ARID5B: variants seen among roughly 807,000 people sequenced by gnomAD.
ARID5B encodes AT-rich interaction domain 5B, also known as AT-rich interactive domain-containing protein 5B.
In ARID5B, 13 loss-of-function variants were observed where a neutral mutation model predicts 97.2. That is an observed-to-expected ratio of 0.13 (90% CI 0.09 to 0.21). The LOEUF is 0.21. Ranked by LOEUF, ARID5B falls within the 10% of genes least tolerant of loss-of-function variation. ARID5B has a pLI of 1.00. For synonymous variants in ARID5B, 556 were observed against 570.3 expected (o/e 0.97, Z 0.36); for missense variants, 1,210 against 1,465.3 (o/e 0.83, Z 2.84).
chr10:61,974,269 G>A (rs180900931), intron 3 of ARID5B, among the ~76,000 whole-genome samples: 208 of 152,332 alleles, frequency 1.4e-3, no homozygotes, highest in South Asian at 2.3e-3. Flanking sequence ...ATGAGACAAT[G>A]AAGATCATAT....
At chr10:61,951,920 T>G (rs1838329171) in intron 3 of ARID5B, among the ~76,000 whole-genome samples, 1 of 152,310 alleles carries the variant, frequency 6.6e-6, no homozygotes, top group Middle Eastern at 3.4e-3. Flanking sequence ...CTGCTGAATA[T>G]TTCATTACAG....
chr10:62,092,918 G>A lies in ARID5B; in HGVS notation c.3455G>A (p.Ser1152Asn), dbSNP rs1840406521. ...RHLAAATPVGSSYGDLLHNSI... is the reference protein window; with the variant it reads ...RHLAAATPVGNSYGDLLHNSI... ...TTGGCTGCGGCTACACCTGTAGGAA[G>A]TTCATATGGGGACCTTTTGCATAAC... The change falls in exon 10 of 10, where the codon AGT (serine) becomes AAT (asparagine). Residue 1152 changes from serine (S) to asparagine (N), a missense_variant. Ser to Asn is a conservative substitution (Grantham distance 46). This residue lies in a region of ARID5B where 54 missense variants were observed against 67.4 expected (regional missense o/e 0.80). Transcript: ENST00000279873. The A allele has an allele frequency of 6.2e-7, 1 of 1,614,198 alleles. No individual in the cohort carries two copies. Among genetic ancestry groups the A allele is most frequent in the Non-Finnish European group, 8.5e-7 (1 of 1,180,034 alleles).
chr10:61,997,393 A>C (rs1049693288), intron 3 of ARID5B, among the ~76,000 whole-genome samples: 1 of 152,114 alleles, frequency 6.6e-6, no homozygotes, highest in Admixed American at 6.6e-5. Flanking sequence ...TTAGAGAAAA[A>C]AAAAAGGAGA....
chr10:62,075,034 GA>G (rs1199009715), intron 8 of ARID5B, among the ~76,000 whole-genome samples: 1 of 152,196 alleles, frequency 6.6e-6, no homozygotes, highest in Non-Finnish European at 1.5e-5. Context: ...GGGAAATTTA[GA>G]AAACTCGTCT....
intron 4 of ARID5B, among the ~76,000 whole-genome samples, chr10:62,030,016 G>A (rs1200512095): frequency 6.6e-6 from 1 of 152,126 alleles, no homozygotes; most frequent in Non-Finnish European, 1.5e-5. Flanking sequence ...TAAGTTTATT[G>A]GGTTCTAAAG....
chr10:62,028,627 T>C lies in ARID5B; in HGVS notation c.734-22261T>C, dbSNP rs796970399. Among the ~76,000 whole-genome samples the C allele has an allele frequency of 2.1e-4, 32 of 152,266 alleles. 1 individual carries two copies. The highest frequency in any genetic ancestry group is 7.5e-4 in the African/African-American group (31 of 41,548). On this transcript the variant is annotated intron_variant, in intron 4 of 9. Transcript: ENST00000279873. ...TGATACTACTCACTTCAAGGGGATA[T>C]ATTATATATATGAGGATTAAATGAA...
chr10:62,047,697 C>T (rs1272065195), intron 4 of ARID5B, among the ~76,000 whole-genome samples: 8 of 152,088 alleles, frequency 5.3e-5, no homozygotes, highest in African/African-American at 9.7e-5. Context: ...AATTAAAGTC[C>T]GCAGACCCAT....
chr10:62,092,864 C>T lies in ARID5B; in HGVS notation c.3401C>T (p.Pro1134Leu), dbSNP rs1445382489. 1 of 1,614,186 alleles carries T rather than the reference C, an allele frequency of 6.2e-7. No homozygotes were observed. Among genetic ancestry groups the T allele is most frequent in the Non-Finnish European group, 8.5e-7 (1 of 1,180,036 alleles). Residue 1134 changes from proline to leucine, a missense_variant, in exon 10 of 10, where the codon CCG becomes CTG. Pro to Leu is a moderately conservative substitution (Grantham distance 98, BLOSUM62 -3). Around this residue, in one of 8 missense-constraint regions of ARID5B, gnomAD observed 54 missense variants for 67.4 expected, o/e 0.80. Coordinates refer to ENST00000279873, the MANE Select transcript of ARID5B (RefSeq NM_032199.3). ...ATGCAAAGAGGAATTTTTACATCAC[C>T]GACAAATTCTCAGCAGCTGTACAGA... ...LVMQRGIFTSPTNSQQLYRHL... is the reference protein window; with the variant it reads ...LVMQRGIFTSLTNSQQLYRHL...
intron 3 of ARID5B, 39 bp downstream of exon 3, chr10:61,940,447 G>T: frequency 6.5e-7 from 1 of 1,539,832 alleles, no homozygotes; most frequent in Non-Finnish European, 8.9e-7. Context: ...ATGTGTGGGC[G>T]TATATAGTAA....
rs140987290 is a variant in ARID5B at position 62,036,542 on chromosome 10, C to T, written c.734-14346C>T. Among the ~76,000 whole-genome samples, 67 of 152,332 alleles carry T rather than the reference C, an allele frequency of 4.4e-4. No homozygotes were observed. In the East Asian group the frequency reaches 9.8e-3, roughly 22 times the overall value. ...ACAGAAGTCCTGCCAGAAGGACCTG[C>T]GCTTCATGCACTCCAAGTGAGCTTT... is the stretch of plus-strand genomic sequence containing the variant. On this transcript the variant is annotated intron_variant, in intron 4 of 9. Transcript: ENST00000279873.
chr10:61,918,228 G>A (rs928645675), intron 2 of ARID5B, among the ~76,000 whole-genome samples: 2 of 152,196 alleles, frequency 1.3e-5, no homozygotes, highest in Admixed American at 6.5e-5. Flanking sequence ...TAAACCCTTA[G>A]CCTTGAAGAG....
At chr10:61,948,286 C>T (rs1382043896) in intron 3 of ARID5B, among the ~76,000 whole-genome samples, 2 of 151,876 alleles carry the variant, frequency 1.3e-5, no homozygotes, top group Non-Finnish European at 2.9e-5. Context: ...TTCCTTCTAA[C>T]AGTCGTCAGG....
chr10:61,956,756 G>A (rs1413030657), intron 3 of ARID5B, among the ~76,000 whole-genome samples: 1 of 152,136 alleles, frequency 6.6e-6, no homozygotes, highest in Non-Finnish European at 1.5e-5. Context: ...AAGAAAAGGT[G>A]ACATCTCAAT....
chr10:62,050,083 A>G (rs536631533), intron 4 of ARID5B, among the ~76,000 whole-genome samples: 1 of 152,280 alleles, frequency 6.6e-6, no homozygotes, highest in African/African-American at 2.4e-5. Context: ...TTCTGTGTAG[A>G]TCTTAAAAGG....
At chr10:61,920,333 T>C (rs867402500) in intron 2 of ARID5B, among the ~76,000 whole-genome samples, 2 of 151,412 alleles carry the variant, frequency 1.3e-5, no homozygotes, top group African/African-American at 2.4e-5. Context: ...ATCTTTGTTT[T>C]TTTTTTTTTT....
At chr10:62,057,065 A>T in intron 5 of ARID5B, 52 bp from the exon 6 acceptor site, 1 of 1,573,026 alleles carries the variant, frequency 6.4e-7, no homozygotes, top group Middle Eastern at 1.7e-4. Flanking sequence ...ATGTCTTGGT[A>T]AGCATCCTGG....
intron 5 of ARID5B, among the ~76,000 whole-genome samples, chr10:62,055,949 C>T (rs531376261): frequency 6.6e-6 from 1 of 152,214 alleles, no homozygotes; most frequent in South Asian, 2.1e-4. Flanking sequence ...CATTTTTATT[C>T]GTAACATTTC....
At chr10:62,015,536 G>A (rs776271884) in intron 4 of ARID5B, among the ~76,000 whole-genome samples, 3 of 152,184 alleles carry the variant, frequency 2.0e-5, no homozygotes, top group African/African-American at 7.2e-5. Flanking sequence ...ATACAGCAGT[G>A]CTCCTATGGG....
rs948426418 is a variant in ARID5B, at chr10:61,920,117, A to AT, written c.276+17713dup. Among the ~76,000 whole-genome samples, 265 of 151,482 alleles carry AT rather than the reference A, an allele frequency of 1.7e-3. 1 individual carries two copies. Among genetic ancestry groups the AT allele is most frequent in the African/African-American group, 5.9e-3 (244 of 41,332 alleles). On this transcript the variant is annotated intron_variant, in intron 2 of 9. Coordinates refer to ENST00000279873, the MANE Select transcript of ARID5B (RefSeq NM_032199.3). ...ATATTGAGATATCTCAGTTGTCTTA[A>AT]TTTTTTTTTCTTTTTGCCTTAATCT...
Sources: allele counts gnomAD v4.1 joint callset (sites outside exome capture counted in the v4.1 genomes callset), GRCh38; gene constraint gnomAD v4.1.1; regional missense constraint gnomAD v4.1.1; transcripts MANE v1.5; gene names NCBI Gene and HGNC (gene_info 2026-07-23, HGNC 2026-07-21).